The following RFTN1 variants were observed in gnomAD, a reference collection of about 807,000 sequenced individuals.
The protein encoded by RFTN1 is raftlin, lipid raft linker 1.
RFTN1 carries 26 observed loss-of-function variants against 46.5 expected under a neutral mutation model. That is an observed-to-expected ratio of 0.56 (90% CI 0.41 to 0.78). The LOEUF (loss-of-function observed/expected upper bound fraction) is 0.78. Ranked by LOEUF, RFTN1 falls within the 30% of genes least tolerant of loss-of-function variation. The probability of loss-of-function intolerance (pLI) is 0.00; values close to 1 mark genes in which losing one functional copy is unlikely to be tolerated. For missense variants in RFTN1, 693 were observed against 718.7 expected, an observed-to-expected ratio of 0.96 and a Z score of 0.41; for synonymous variants, 261 against 284.2, an observed-to-expected ratio of 0.92 and a Z score of 0.82.
chr3:16,504,443 T>C lies in RFTN1; in HGVS notation c.-9+8999A>G, dbSNP rs117577155. Among the ~76,000 whole-genome samples the C allele has an allele frequency of 1.0e-3, 155 of 152,276 alleles. 2 individuals are homozygous for C. The East Asian group carries it at 0.027, about 26-fold the overall frequency. On this transcript the variant is annotated intron_variant, in intron 1 of 9. Coordinates refer to ENST00000334133, the MANE Select transcript of RFTN1 (RefSeq NM_015150.2). This position sits in a 1 kb window ranked among gnomAD's most constrained non-coding sequence, Gnocchi z 4.4. ...AGATATGACATCATCAAGAGTAATA[T>C]GGTACTGTCAGATGTTGATATTGTG... is the stretch of plus-strand genomic sequence containing the variant.
intron 3 of RFTN1, among the ~76,000 whole-genome samples, chr3:16,411,135 CTACCAAAGAGGGGCCCCT>C (rs996775680): frequency 6.6e-6 from 1 of 152,124 alleles, no homozygotes; most frequent in African/African-American, 2.4e-5. Flanking sequence ...TGAGGCTGTT[CTACCAAAGAGGGGCCCCT>C]GAAGTCCCTG....
rs1481402238 is a variant in RFTN1, at chr3:16,440,554, T to G, written c.146-6517A>C. Among the ~76,000 whole-genome samples the G allele has an allele frequency of 2.0e-5, 3 of 152,156 alleles. No individual in the cohort carries two copies. In the South Asian group the frequency reaches 6.2e-4, roughly 32 times the overall value. On this transcript the variant is annotated intron_variant, in intron 2 of 9. Coordinates refer to ENST00000334133, the MANE Select transcript of RFTN1 (RefSeq NM_015150.2). This position sits in a 1 kb window ranked among gnomAD's most constrained non-coding sequence, Gnocchi z 4.6. The stretch of plus-strand genomic sequence containing the variant: ...TCTCCTTACTGGACAGAGGGCTTGG[T>G]GCAGATCCCAAAGCCATTAACAGAG...
Position 16,502,373 on chromosome 3 carries a change from G to T in RFTN1, c.-8-8496C>A, listed in dbSNP as rs1356722774. Among the ~76,000 whole-genome samples, 5 of 144,184 alleles carry T rather than the reference G, an allele frequency of 3.5e-5. No homozygotes were observed. The Admixed American group carries it at 3.5e-4, about 10-fold the overall frequency. The allele number at this position is 144,184 out of a possible 152,430, so 94.6% of individuals were successfully genotyped here. ...CTGCCCAGCCTGGGCAACGGAGTGA[G>T]ACCTTGTCTCAAAAAAAAAAAAAAA... On this transcript the variant is annotated intron_variant, in intron 1 of 9. Coordinates refer to ENST00000334133, the MANE Select transcript of RFTN1 (RefSeq NM_015150.2).
intron 4 of RFTN1, among the ~76,000 whole-genome samples, chr3:16,398,737 G>T (rs842496): frequency 3.9e-5 from 6 of 151,920 alleles, no homozygotes; most frequent in African/African-American, 1.4e-4. Flanking sequence ...AGCAACAAGC[G>T]GAATGGAGAC....
rs942445754 is a variant in RFTN1 at position 16,452,050 on chromosome 3, C to T, written c.146-18013G>A. ...ACAAATAGATGATCCACGTCCTGGG[C>T]GGAATAGAGCAGGATGGCACGAGAT... On this transcript the variant is annotated intron_variant, in intron 2 of 9. Coordinates refer to ENST00000334133, the MANE Select transcript of RFTN1 (RefSeq NM_015150.2). This position sits in a 1 kb window ranked among gnomAD's most constrained non-coding sequence, Gnocchi z 6.3. Among the ~76,000 whole-genome samples, 46 of 151,964 alleles carry T rather than the reference C, an allele frequency of 3.0e-4. No individual in the cohort carries two copies. Among genetic ancestry groups the T allele is most frequent in the African/African-American group, 2.2e-4 (9 of 41,358 alleles).
intron 4 of RFTN1, among the ~76,000 whole-genome samples, chr3:16,394,737 ATT>A (rs11321520): frequency 2.0e-5 from 3 of 151,436 alleles, no homozygotes; most frequent in African/African-American, 4.8e-5. Context: ...GGTGTTTTCT[ATT>A]TTTTTTTAAG....
At chr3:16,395,111 G>T (rs1399991777) in intron 4 of RFTN1, among the ~76,000 whole-genome samples, 2 of 152,164 alleles carry the variant, frequency 1.3e-5, no homozygotes, top group Non-Finnish European at 2.9e-5. Context: ...ATATGCATGT[G>T]CAATTAAATT....
Position 16,509,216 on chromosome 3 carries a change from A to G in RFTN1, c.-9+4226T>C, listed in dbSNP as rs1287603252. ...AACAAACAAACAACAACAAAAAAAAACTAAAGAAAATGATTGCAGTGTATC... is the reference window on the plus strand; with the variant it reads ...AACAAACAAACAACAACAAAAAAAAGCTAAAGAAAATGATTGCAGTGTATC... On this transcript the variant is annotated intron_variant, in intron 1 of 9. Transcript: ENST00000334133. This position sits in a 1 kb window ranked among gnomAD's most constrained non-coding sequence, Gnocchi z 4.9. Among the ~76,000 whole-genome samples the G allele has an allele frequency of 6.6e-6, 1 of 152,240 alleles. No individual in the cohort carries two copies. The highest frequency in any genetic ancestry group is 2.4e-5 in the African/African-American group (1 of 41,454).
At position 16,382,350 on chromosome 3, in the gene RFTN1, T is replaced by C. The variant is rs1163968967; in HGVS notation, c.442-4248A>G. ...TCTTACCCTAGTATAGACACTTTCCTCTTTTTCAGAAAGTCATTTGACCGT... is the reference window on the plus strand; with the variant it reads ...TCTTACCCTAGTATAGACACTTTCCCCTTTTTCAGAAAGTCATTTGACCGT... On this transcript the variant is annotated intron_variant, in intron 4 of 9. Transcript: ENST00000334133. This position sits in a 1 kb window ranked among gnomAD's most constrained non-coding sequence, Gnocchi z 4.7. Among the ~76,000 whole-genome samples the C allele has an allele frequency of 2.0e-5, 3 of 152,238 alleles. No homozygotes were observed. Among genetic ancestry groups the C allele is most frequent in the Admixed American group, 6.5e-5 (1 of 15,290 alleles).
At chr3:16,497,173 AGTCTCT>A (rs1482469760) in intron 1 of RFTN1, among the ~76,000 whole-genome samples, 1 of 152,210 alleles carries the variant, frequency 6.6e-6, no homozygotes, top group Non-Finnish European at 1.5e-5. Context: ...GCCACTGAGC[AGTCTCT>A]GTATTGATTT....
At position 16,382,027 on chromosome 3, in the gene RFTN1, A is replaced by G. The variant is rs2074010201; in HGVS notation, c.442-3925T>C. On this transcript the variant is annotated intron_variant, in intron 4 of 9. Transcript: ENST00000334133. The surrounding 1 kb of genome is among the most constrained non-coding windows in gnomAD (Gnocchi z 4.7). ...TGTATCTTATACCATAGTGCTACCT[A>G]GGATCCAAACTTTAAAAAGATGTCA... 6.6e-6 allele frequency among the ~76,000 whole-genome samples: 1 copy of G among 152,128 alleles called. No homozygotes were observed.
Position 16,361,404 on chromosome 3 carries a change from G to A in RFTN1, c.1031-3357C>T, listed in dbSNP as rs1212534547. ...AGCTTACCTTGCAGTGGAGGAGGAAGACAATAACATCATGTCAGAGGTGAT... is the reference window on the plus strand; with the variant it reads ...AGCTTACCTTGCAGTGGAGGAGGAAAACAATAACATCATGTCAGAGGTGAT... On this transcript the variant is annotated intron_variant, in intron 6 of 9. Transcript: ENST00000334133. The surrounding 1 kb of genome is among the most constrained non-coding windows in gnomAD (Gnocchi z 4.3). 6.6e-6 allele frequency among the ~76,000 whole-genome samples: 1 copy of A among 152,204 alleles called. No individual in the cohort carries two copies. Among genetic ancestry groups the A allele is most frequent in the Middle Eastern group, 3.2e-3 (1 of 316 alleles).
At chr3:16,472,689 C>T (rs1481587233) in intron 2 of RFTN1, 1 of 152,202 alleles carries the variant, frequency 6.6e-6, no homozygotes, top group Non-Finnish European at 1.5e-5. Flanking sequence ...GTTATGTTTC[C>T]CACTCCAGGA....
In RFTN1 at chr3:16,370,223, A is replaced by AT; in HGVS notation, c.882dup (p.Tyr295IlefsTer50). On this transcript the variant is annotated frameshift_variant, in exon 6 of 10. Coordinates refer to ENST00000334133, the MANE Select transcript of RFTN1 (RefSeq NM_015150.2). LOFTEE classifies it high-confidence loss of function. The surrounding 1 kb of genome is among the most constrained non-coding windows in gnomAD (Gnocchi z 5.5). ...TGGAGAGGAATGGTGACAGGGTAGT[A>AT]TTGCCGGCACTTCTGATGGCTCTTC... The AT allele has an allele frequency of 6.2e-7, 1 of 1,614,166 alleles. No individual in the cohort carries two copies. The highest frequency in any genetic ancestry group is 8.5e-7 in the Non-Finnish European group (1 of 1,180,030).
chr3:16,479,881 G>T lies in RFTN1; in HGVS notation c.145+13844C>A, dbSNP rs754967548. Among the ~76,000 whole-genome samples the T allele has an allele frequency of 1.3e-5, 2 of 152,152 alleles. No individual in the cohort carries two copies. The highest frequency in any genetic ancestry group is 2.9e-5 in the Non-Finnish European group (2 of 68,038). On this transcript the variant is annotated intron_variant, in intron 2 of 9. Coordinates refer to ENST00000334133, the MANE Select transcript of RFTN1 (RefSeq NM_015150.2). The surrounding 1 kb of genome is among the most constrained non-coding windows in gnomAD (Gnocchi z 5.1). ...TGCAGCAGGCCAAAGGCAAATAATG[G>T]TAAATCATGGCAGATGCTTCTCCAA... is the stretch of plus-strand genomic sequence containing the variant.
chr3:16,443,337 G>C lies in RFTN1; in HGVS notation c.146-9300C>G, dbSNP rs557467662. On this transcript the variant is annotated intron_variant, in intron 2 of 9. Coordinates refer to ENST00000334133, the MANE Select transcript of RFTN1 (RefSeq NM_015150.2). The surrounding 1 kb of genome is among the most constrained non-coding windows in gnomAD (Gnocchi z 5.5). ...CTCTGATGTTTAGTGATGTTAATAA[G>C]CATTCTTTCATATATGTGTGGGCCA... is the stretch of plus-strand genomic sequence containing the variant. Among the ~76,000 whole-genome samples, 5 of 152,140 alleles carry C rather than the reference G, an allele frequency of 3.3e-5. No individual in the cohort carries two copies. The highest frequency in any genetic ancestry group is 7.3e-5 in the Non-Finnish European group (5 of 68,030).
chr3:16,400,199 C>T lies in RFTN1; in HGVS notation c.441+9176G>A, dbSNP rs1219738414. On this transcript the variant is annotated intron_variant, in intron 4 of 9. Transcript: ENST00000334133. The surrounding 1 kb of genome is among the most constrained non-coding windows in gnomAD (Gnocchi z 4.5). Reference sequence around the variant, plus strand: ...CTCTCCAGCCTCACTCCACCTCACTCACCCCTCTGTCATTTGCAGGCAAGA... The same window carrying T: ...CTCTCCAGCCTCACTCCACCTCACTTACCCCTCTGTCATTTGCAGGCAAGA... Among the ~76,000 whole-genome samples, 3 of 152,198 alleles carry T rather than the reference C, an allele frequency of 2.0e-5. No homozygotes were observed. Among genetic ancestry groups the T allele is most frequent in the African/African-American group, 4.8e-5 (2 of 41,436 alleles).
chr3:16,330,057 A>G (rs2070155675), intron 7 of RFTN1, among the ~76,000 whole-genome samples: 1 of 152,056 alleles, frequency 6.6e-6, no homozygotes, highest in African/African-American at 2.4e-5. Context: ...TCTCCCAAAC[A>G]TTTTTTCCCC....
chr3:16,389,821 C>T (rs1373304757), intron 4 of RFTN1, among the ~76,000 whole-genome samples: 2 of 152,222 alleles, frequency 1.3e-5, no homozygotes, highest in Admixed American at 6.5e-5. Context: ...ACTTCAACCA[C>T]TATGGGTCCT....
Sources: allele counts gnomAD v4.1 joint callset (sites outside exome capture counted in the v4.1 genomes callset), GRCh38; gene constraint gnomAD v4.1.1; non-coding constraint Gnocchi (gnomAD v3.1); transcripts MANE v1.5; gene names NCBI Gene and HGNC (gene_info 2026-07-23, HGNC 2026-07-21).